FAR1: variants seen among roughly 807,000 people sequenced by gnomAD.
FAR1 encodes the protein male sterility domain-containing protein 2.
In FAR1, 22 loss-of-function variants were observed where a neutral mutation model predicts 61.1. The ratio of observed to expected loss-of-function variants is 0.36; its 90% CI spans 0.26 to 0.51. The LOEUF (loss-of-function observed/expected upper bound fraction) is 0.51, where lower values mean the gene tolerates loss of function less well. FAR1 is among the 20% of genes least tolerant of loss of function. FAR1 has a pLI of 0.95. For missense variants in FAR1, 359 were observed against 626.9 expected, an observed-to-expected ratio of 0.57 and a Z score of 4.56; for synonymous variants, 206 against 209.7, an observed-to-expected ratio of 0.98 and a Z score of 0.15.
At chr11:13,695,274 A>G (rs1848296361) in intron 2 of FAR1, among the ~76,000 whole-genome samples, 1 of 152,186 alleles carries the variant, frequency 6.6e-6, no homozygotes, top group Admixed American at 6.5e-5. Context: ...AGCCTTGATA[A>G]TAATAGTAAT....
chr11:13,719,436 T>C (rs1848586990), intron 9 of FAR1, among the ~76,000 whole-genome samples: 1 of 152,224 alleles, frequency 6.6e-6, no homozygotes, highest in Non-Finnish European at 1.5e-5. Context: ...TTACACCTTA[T>C]ATTGGGGCCT....
At chr11:13,706,573 G>A (rs866198804) in intron 3 of FAR1, among the ~76,000 whole-genome samples, 3 of 151,926 alleles carry the variant, frequency 2.0e-5, no homozygotes, top group Middle Eastern at 3.4e-3. Context: ...TATTGTAATG[G>A]TCAAATGAGC....
At chr11:13,711,061 A>C (rs1848493496) in intron 5 of FAR1, 191 bp downstream of exon 5, 1 of 531,910 alleles carries the variant, frequency 1.9e-6, no homozygotes, top group African/African-American at 2.0e-5. Flanking sequence ...CGCTGGGTAT[A>C]TAGAAATGTA....
intron 2 of FAR1, 47 bp from the exon 3 acceptor site, chr11:13,700,270 A>G: frequency 7.0e-7 from 1 of 1,432,104 alleles, no homozygotes; most frequent in Non-Finnish European, 9.5e-7. Context: ...GAGTTTTAGA[A>G]AGTGGAAAAA....
chr11:13,699,811 T>C (rs1457505687), intron 2 of FAR1, among the ~76,000 whole-genome samples: 2 of 152,236 alleles, frequency 1.3e-5, no homozygotes, highest in Non-Finnish European at 2.9e-5. Flanking sequence ...CTTGAACATA[T>C]TGACTTTGTT....
intron 1 of FAR1, among the ~76,000 whole-genome samples, chr11:13,684,658 A>T (rs1486945714): frequency 6.6e-6 from 1 of 152,182 alleles, no homozygotes; most frequent in East Asian, 1.9e-4. Flanking sequence ...ATTATCTGAA[A>T]GGCTTGTTTC....
intron 1 of FAR1, chr11:13,669,526 C>G (rs183417933): frequency 5.3e-5 from 8 of 152,110 alleles, no homozygotes; most frequent in Middle Eastern, 3.1e-3. Flanking sequence ...ACAAAGTATA[C>G]AAGCAGCAAA....
chr11:13,677,927 TTATAA>T (rs1210313866), intron 1 of FAR1, among the ~76,000 whole-genome samples: 1 of 152,172 alleles, frequency 6.6e-6, no homozygotes, highest in East Asian at 1.9e-4. Context: ...TTCTCTACAG[TTATAA>T]TAAAATAACC....
chr11:13,676,384 C>CT (rs960625374), intron 1 of FAR1, among the ~76,000 whole-genome samples: 3 of 151,938 alleles, frequency 2.0e-5, no homozygotes, highest in East Asian at 1.9e-4. Context: ...GCATAAATAC[C>CT]TTTTTTTCCC....
At chr11:13,679,137 TTC>T (rs557936352) in intron 1 of FAR1, among the ~76,000 whole-genome samples, 123 of 152,282 alleles carry the variant, frequency 8.1e-4, no homozygotes, top group African/African-American at 2.9e-3. Flanking sequence ...GATATTGCAA[TTC>T]TGTTATAAAA....
At chr11:13,684,140 G>T (rs1441270446) in intron 1 of FAR1, among the ~76,000 whole-genome samples, 1 of 152,146 alleles carries the variant, frequency 6.6e-6, no homozygotes, top group African/African-American at 2.4e-5. Flanking sequence ...ACATTATCTC[G>T]AGAGGGAAAG....
At chr11:13,675,014 C>T (rs939242269) in intron 1 of FAR1, among the ~76,000 whole-genome samples, 2 of 151,564 alleles carry the variant, frequency 1.3e-5, no homozygotes, top group Admixed American at 1.3e-4. Context: ...ATCCATACCT[C>T]CATCCACTTC....
intron 1 of FAR1, among the ~76,000 whole-genome samples, chr11:13,693,678 T>C (rs1848278183): frequency 6.6e-6 from 1 of 152,222 alleles, no homozygotes; most frequent in Admixed American, 6.5e-5. Flanking sequence ...AAAAGAGCTC[T>C]TGCCTCATTA....
chr11:13,678,999 G>A (rs1212512442), intron 1 of FAR1, among the ~76,000 whole-genome samples: 1 of 152,156 alleles, frequency 6.6e-6, no homozygotes, highest in Non-Finnish European at 1.5e-5. Context: ...TAGTATATAT[G>A]TAGTGTTCAG....
intron 1 of FAR1, among the ~76,000 whole-genome samples, chr11:13,689,024 TG>T: frequency 6.6e-6 from 1 of 152,114 alleles, no homozygotes. Context: ...TAGATTATAA[TG>T]AAAGTAACCA....
intron 11 of FAR1, among the ~76,000 whole-genome samples, chr11:13,727,939 G>C (rs758049380): frequency 2.0e-5 from 3 of 151,838 alleles, no homozygotes; most frequent in Non-Finnish European, 4.4e-5. Flanking sequence ...TGAGGAAATT[G>C]AGGCTTAGGA....
At chr11:13,726,919 T>C (rs947484546) in intron 10 of FAR1, among the ~76,000 whole-genome samples, 1 of 152,016 alleles carries the variant, frequency 6.6e-6, no homozygotes, top group Non-Finnish European at 1.5e-5. Flanking sequence ...TACTGAATAA[T>C]ATCTTTGTAA....
Position 13,728,791 on chromosome 11 carries a change from A to T in FAR1, c.*17A>T. On this transcript the variant is annotated 3_prime_UTR_variant, in exon 12 of 12. Transcript: ENST00000354817. ...AGATACTGAAGACCAAGGATTCAGC[A>T]TTAGAACATCTATACATATGGTGAT... 6.2e-7 allele frequency: 1 copy of T among 1,606,770 alleles called. No homozygotes were observed. Among genetic ancestry groups the T allele is most frequent in the South Asian group, 1.1e-5 (1 of 90,650 alleles).
chr11:13,682,879 C>T lies in FAR1; in HGVS notation c.-7-11880C>T, dbSNP rs1196362390. 2.6e-5 allele frequency among the ~76,000 whole-genome samples: 4 copies of T among 152,154 alleles called. No individual in the cohort carries two copies. The East Asian group carries it at 7.7e-4, about 29-fold the overall frequency. ...TGCCCACCTTGGCCTCTCACAGTGC[C>T]GGGATTACAGGCATGAGCCACTGCA... is the stretch of plus-strand genomic sequence containing the variant. On this transcript the variant is annotated intron_variant, in intron 1 of 11. Transcript: ENST00000354817.
Sources: allele counts gnomAD v4.1 joint callset (sites outside exome capture counted in the v4.1 genomes callset), GRCh38; gene constraint gnomAD v4.1.1; transcripts MANE v1.5; gene names NCBI Gene and HGNC (gene_info 2026-07-23, HGNC 2026-07-21).